ULK2: variants seen among roughly 807,000 people sequenced by gnomAD.
The protein encoded by ULK2 is unc-51 like autophagy activating kinase 2.
Under a neutral mutation model 127.5 loss-of-function variants are expected in ULK2, and 76 were observed. The ratio of observed to expected loss-of-function variants is 0.60; its 90% confidence interval spans 0.50 to 0.72. The LOEUF is 0.72. ULK2 is among the 30% of genes least tolerant of loss of function. The probability of loss-of-function intolerance (pLI) is 0.00; values close to 1 mark genes in which losing one functional copy is unlikely to be tolerated. For missense variants in ULK2, 1,144 were observed against 1,295.9 expected (o/e 0.88, Z 1.80); for synonymous variants, 452 against 461.9 (o/e 0.98, Z 0.28).
chr17:19,804,963 G>C (rs1395243943), intron 14 of ULK2, 133 bp from the exon 15 acceptor site: 5 of 1,014,660 alleles, frequency 4.9e-6, no homozygotes, highest in Non-Finnish European at 6.5e-6. Context: ...AATAAGAAAT[G>C]ATCTTGTTAA....
In ULK2 at chr17:19,845,510, C is replaced by T. The variant is rs949729892; in HGVS notation, c.470-133G>A. On this transcript the variant is annotated intron_variant, in intron 6 of 26. Transcript: ENST00000395544. ...TAAACAGCTTATTGAATTAGACTGTCCACCAAAAAAAAAGTAGCTACCTTG... is the reference window on the plus strand; with the variant it reads ...TAAACAGCTTATTGAATTAGACTGTTCACCAAAAAAAAAGTAGCTACCTTG... The T allele has an allele frequency of 3.4e-5, 21 of 614,182 alleles. No homozygotes were observed. The African/African-American group carries it at 3.8e-4, about 11-fold the overall frequency. The allele number at this position is 614,182 out of a possible 1,614,324, so 38.0% of individuals were successfully genotyped here. A position where few individuals can be genotyped will look rare whatever the true frequency, so the allele number is the denominator to read the frequency against.
chr17:19,864,799 G>T lies in ULK2; in HGVS notation c.225+4C>A. ...AATTTTTAAAAATTTTCAAAATAAG[G>T]TACCTGAACATCATAGAGTGCTACA... On this transcript the variant is annotated splice_donor_region_variant and intron_variant, in intron 3 of 26. Transcript: ENST00000395544. 7.8e-7 allele frequency: 1 copy of T among 1,281,094 alleles called. No individual in the cohort carries two copies. The highest frequency in any genetic ancestry group is 2.7e-5 in the East Asian group (1 of 36,550). The allele number at this position is 1,281,094 out of a possible 1,614,324, so 79.4% of individuals were successfully genotyped here.
intron 20 of ULK2, among the ~76,000 whole-genome samples, chr17:19,793,645 G>A (rs980956124): frequency 5.9e-5 from 9 of 152,040 alleles, no homozygotes; most frequent in South Asian, 2.1e-4. Flanking sequence ...AAAGACAACC[G>A]GAGAGACAAA....
At chr17:19,801,112 TTATAAG>T (rs72291904) in intron 16 of ULK2, among the ~76,000 whole-genome samples, 7,525 of 152,204 alleles carry the variant, frequency 0.049, 509 homozygotes, top group East Asian at 0.15. Flanking sequence ...ACAGTAATCC[TTATAAG>T]TATGAGTGAT....
At chr17:19,853,094 G>A (rs2042052318) in intron 3 of ULK2, among the ~76,000 whole-genome samples, 1 of 151,186 alleles carries the variant, frequency 6.6e-6, no homozygotes, top group South Asian at 2.1e-4. Flanking sequence ...AAAACTTCCT[G>A]GTTTCTTTTT....
At chr17:19,805,152 T>G (rs1346954748) in intron 14 of ULK2, among the ~76,000 whole-genome samples, 1 of 152,130 alleles carries the variant, frequency 6.6e-6, no homozygotes, top group African/African-American at 2.4e-5. Context: ...CATTACTATG[T>G]GAGAGAAAAA....
At chr17:19,833,744 AT>A in intron 10 of ULK2, among the ~76,000 whole-genome samples, 1 of 152,356 alleles carries the variant, frequency 6.6e-6, no homozygotes, top group East Asian at 1.9e-4. Context: ...CTGAGAACAG[AT>A]TAACAGATAT....
intron 19 of ULK2, 32 bp downstream of exon 19, chr17:19,796,063 T>C (rs1432359826): frequency 1.9e-6 from 3 of 1,578,370 alleles, no homozygotes; most frequent in Non-Finnish European, 2.6e-6. Context: ...ACAGTTTTCA[T>C]GTTTAATGCT....
chr17:19,779,677 A>G (rs57707422), intron 25 of ULK2, among the ~76,000 whole-genome samples: 1 of 152,128 alleles, frequency 6.6e-6, no homozygotes, highest in Non-Finnish European at 1.5e-5. Flanking sequence ...AATTATTTCC[A>G]ATATTAAAAC....
intron 3 of ULK2, among the ~76,000 whole-genome samples, chr17:19,858,605 G>A (rs1274666903): frequency 6.6e-6 from 1 of 151,928 alleles, no homozygotes; most frequent in East Asian, 1.9e-4. Flanking sequence ...GACAGCAATG[G>A]GAACGTCACA....
chr17:19,796,008 AT>A, intron 19 of ULK2, 86 bp downstream of exon 19: 2 of 1,511,636 alleles, frequency 1.3e-6, no homozygotes, highest in East Asian at 4.5e-5. Flanking sequence ...CGCTACACTA[AT>A]GTAGTCTTGC....
chr17:19,854,477 G>T (rs892094155), intron 3 of ULK2, among the ~76,000 whole-genome samples: 2 of 151,988 alleles, frequency 1.3e-5, no homozygotes, highest in Non-Finnish European at 2.9e-5. Flanking sequence ...ACCCTGATTT[G>T]CTGTAATTCT....
intron 3 of ULK2, among the ~76,000 whole-genome samples, chr17:19,863,128 C>T (rs760873838): frequency 6.6e-6 from 1 of 151,862 alleles, no homozygotes; most frequent in East Asian, 1.9e-4. Context: ...GCACAAGAAT[C>T]GCTTTAACCC....
At chr17:19,801,212 T>C (rs1567686626) in intron 16 of ULK2, among the ~76,000 whole-genome samples, 1 of 152,220 alleles carries the variant, frequency 6.6e-6, no homozygotes, top group Non-Finnish European at 1.5e-5. Context: ...ATGCTTTTTA[T>C]ACATAAATTA....
At position 19,864,826 on chromosome 17, in the gene ULK2, T is replaced by G; in HGVS notation, c.202A>C (p.Ile68Leu). 7.5e-7 allele frequency: 1 copy of G among 1,327,044 alleles called. No homozygotes were observed. Among genetic ancestry groups the G allele is most frequent in the Non-Finnish European group, 1.0e-6 (1 of 1,004,640 alleles). 82.2% of individuals were successfully genotyped at this position (1,327,044 alleles called of 1,614,324 possible). A position where few individuals can be genotyped will look rare whatever the true frequency, so the allele number is the denominator to read the frequency against. Residue 68 changes from isoleucine (I) to leucine (L), a missense_variant, in exon 3 of 27, where the codon ATT (isoleucine) becomes CTT (leucine). Ile to Leu is a conservative substitution (Grantham distance 5, BLOSUM62 2). This residue lies in a region of ULK2 where 231 missense variants were observed against 325.4 expected (regional missense o/e 0.71). Coordinates refer to ENST00000395544, the MANE Select transcript of ULK2 (RefSeq NM_014683.4). ...KILKELQHEN[I>L]VALYDVQELP... The stretch of plus-strand genomic sequence containing the variant: ...ACCTGAACATCATAGAGTGCTACAA[T>G]ATTTTCATGCTGAAGTTCCTATTAA...
At chr17:19,813,999 G>A (rs1411509347) in intron 13 of ULK2, among the ~76,000 whole-genome samples, 3 of 152,032 alleles carry the variant, frequency 2.0e-5, no homozygotes, top group African/African-American at 7.2e-5. Context: ...TGATTCTGAA[G>A]AATACTGAAA....
Position 19,804,684 on chromosome 17 carries a change from C to A in ULK2, c.1295+9G>T. 6.4e-7 allele frequency: 1 copy of A among 1,573,828 alleles called. No individual in the cohort carries two copies. Among genetic ancestry groups the A allele is most frequent in the Non-Finnish European group, 8.6e-7 (1 of 1,161,126 alleles). Reference sequence around the variant, plus strand: ...AAAGAATTAAGCAAGAAAAAAGCTACTAACTTACCTTGGAGAACCATGTAC... The same window carrying A: ...AAAGAATTAAGCAAGAAAAAAGCTAATAACTTACCTTGGAGAACCATGTAC... On this transcript the variant is annotated intron_variant, in intron 15 of 26. Transcript: ENST00000395544.
At chr17:19,798,191 C>A in intron 17 of ULK2, among the ~76,000 whole-genome samples, 1 of 151,584 alleles carries the variant, frequency 6.6e-6, no homozygotes, top group Admixed American at 6.6e-5. Flanking sequence ...GAAAGAAGAT[C>A]ATAAGATAAC....
chr17:19,777,858 C>T (rs1289468063), intron 25 of ULK2, 142 bp from the exon 26 acceptor site: 2 of 1,083,648 alleles, frequency 1.8e-6, no homozygotes, highest in East Asian at 5.3e-5. Context: ...CTACATAAAA[C>T]TCAAAGATTC....
Sources: gnomAD v4.1 joint callset for allele counts (sites outside exome capture counted in the v4.1 genomes callset) on GRCh38, gnomAD v4.1.1 for gene constraint, gnomAD v4.1.1 regional missense constraint, MANE v1.5 for transcripts, NCBI Gene and HGNC (gene_info 2026-07-23, HGNC 2026-07-21) for gene names.